Variants in PABPC4 observed in about 807,000 individuals in gnomAD.
PABPC4 encodes polyadenylate-binding protein 4.
In PABPC4, 15 loss-of-function variants were observed where a neutral mutation model predicts 74.5. The ratio of observed to expected loss-of-function variants is 0.20; its 90% CI spans 0.13 to 0.31. PABPC4 has a LOEUF of 0.31. Among genes scored for constraint, PABPC4 ranks in the 10% least tolerant of loss-of-function variants. The pLI is 1.00. For synonymous variants in PABPC4, 345 were observed against 303.0 expected, an observed-to-expected ratio of 1.14 and a Z score of -1.44; for missense variants, 610 against 853.5, an observed-to-expected ratio of 0.71 and a Z score of 3.55.
chr1:39,576,131 G>C lies in PABPC4; in HGVS notation c.-180C>G, dbSNP rs949907015. On this transcript the variant is annotated 5_prime_UTR_variant, in exon 1 of 16. Coordinates refer to ENST00000372858, the MANE Select transcript of PABPC4 (RefSeq NM_001135653.2). ...GGGACGGAAACGGGAGGCGGGGGCC[G>C]GCTCCCACGGCCGCAGCACCGCAGA... 1 of 515,142 alleles carries C rather than the reference G, an allele frequency of 1.9e-6. No individual in the cohort carries two copies. The highest frequency in any genetic ancestry group is 2.6e-5 in the South Asian group (1 of 38,244). 31.9% of individuals were successfully genotyped at this position (515,142 alleles called of 1,614,324 possible). A position where few individuals can be genotyped will look rare whatever the true frequency, so the allele number is the denominator to read the frequency against.
rs1646020281 is a variant in PABPC4 at position 39,575,980 on chromosome 1, G to A, written c.-29C>T. ...CCCGCCCCCCACCACCCCGAGCCCC[G>A]CCAGGAGGACTTCTTATCGGGCCCG... On this transcript the variant is annotated 5_prime_UTR_variant, in exon 1 of 16. Transcript: ENST00000372858. 2.3e-6 allele frequency: 3 copies of A among 1,293,682 alleles called. No individual in the cohort carries two copies. Among genetic ancestry groups the A allele is most frequent in the Middle Eastern group, 2.7e-4 (1 of 3,672 alleles). 80.1% of individuals were successfully genotyped at this position (1,293,682 alleles called of 1,614,324 possible).
chr1:39,571,057 G>A (rs889387107), intron 3 of PABPC4, 177 bp downstream of exon 3: 11 of 1,485,706 alleles, frequency 7.4e-6, no homozygotes, highest in Middle Eastern at 2.5e-4. Context: ...CCACCTTGGC[G>A]AGTCAAAAGG....
chr1:39,567,229 T>C (rs1645860806), intron 7 of PABPC4: 6 of 343,074 alleles, frequency 1.7e-5, no homozygotes, highest in South Asian at 2.3e-5. Flanking sequence ...TTAGTTGATA[T>C]GATTATCAAA....
In PABPC4 at chr1:39,575,845, G is replaced by A; in HGVS notation, c.107C>T (p.Pro36Leu). Residue 36 changes from proline to leucine, a missense_variant, in exon 1 of 16, where the codon CCT (proline) becomes CTT (leucine). Transcript: ENST00000372858. ...GCGGCAGACCCGGATGGACAGCACA[G>A]GCCCCGCGGGGCTGAACTTTTCGTA... Reference protein sequence around the residue: ...MLYEKFSPAGPVLSIRVCRDM... With the variant: ...MLYEKFSPAGLVLSIRVCRDM... 6.2e-7 allele frequency: 1 copy of A among 1,612,488 alleles called. No homozygotes were observed. The highest frequency in any genetic ancestry group is 8.5e-7 in the Non-Finnish European group (1 of 1,179,642).
At chr1:39,565,430 G>C (rs1296534751) in intron 7 of PABPC4, 52 bp from the exon 8 acceptor site, 5 of 1,552,804 alleles carry the variant, frequency 3.2e-6, no homozygotes, top group Non-Finnish European at 3.5e-6. Flanking sequence ...GGCTGGGTGT[G>C]ATGGCTTGTG....
chr1:39,563,824 A>T lies in PABPC4; in HGVS notation c.1540+12T>A, dbSNP rs531329882. ...TCCCATCTTTCCCCCTTCTGTGTGC[A>T]TCCAATACCACCTCCAGACTGGCAG... On this transcript the variant is annotated intron_variant, in intron 11 of 15. Coordinates refer to ENST00000372858, the MANE Select transcript of PABPC4 (RefSeq NM_001135653.2). 74 of 1,614,210 alleles carry T rather than the reference A, an allele frequency of 4.6e-5. No individual in the cohort carries two copies. The East Asian group carries it at 1.5e-3, about 34-fold the overall frequency.
At chr1:39,565,421 G>C in intron 7 of PABPC4, 43 bp from the exon 8 acceptor site, 1 of 1,571,590 alleles carries the variant, frequency 6.4e-7, no homozygotes, top group Admixed American at 1.7e-5. Context: ...GGTGTCCCTG[G>C]CTGGGTGTGA....
rs922694881 is a variant in PABPC4 at position 39,576,747 on chromosome 1, A to G, written c.-796T>C. 3 of 149,816 alleles carry G rather than the reference A, an allele frequency of 2.0e-5. No homozygotes were observed. Among genetic ancestry groups the G allele is most frequent in the Admixed American group, 6.6e-5 (1 of 15,082 alleles). 9.3% of individuals were successfully genotyped at this position (149,816 alleles called of 1,614,324 possible). A position where few individuals can be genotyped will look rare whatever the true frequency, so the allele number is the denominator to read the frequency against. ...TTCTCTTTTTTTCCTCAGGCTGCGAAGCCCGAAAGCGGCGGAGGCGGCAGC... is the reference window on the plus strand; with the variant it reads ...TTCTCTTTTTTTCCTCAGGCTGCGAGGCCCGAAAGCGGCGGAGGCGGCAGC... On this transcript the variant is annotated 5_prime_UTR_variant, in exon 1 of 16. Transcript: ENST00000372858.
intron 12 of PABPC4, 149 bp downstream of exon 12, chr1:39,563,465 C>A: frequency 9.7e-7 from 1 of 1,029,990 alleles, no homozygotes; most frequent in South Asian, 1.8e-5. Flanking sequence ...CTAGTGAGCC[C>A]CTGAAGGGCA....
rs776535554 is a variant in PABPC4, at chr1:39,571,363, G to A, written c.388-14C>T. The A allele has an allele frequency of 2.5e-6, 4 of 1,614,014 alleles. No homozygotes were observed. The Admixed American group carries it at 6.7e-5, about 27-fold the overall frequency. On this transcript the variant is annotated splice_polypyrimidine_tract_variant and intron_variant, in intron 2 of 15. Transcript: ENST00000372858. ...ATCACACACCACCTGTCAAAGACAA[G>A]GCGGACCACTTTAGCAGAACTGGCC...
chr1:39,563,913 C>A lies in PABPC4; in HGVS notation c.1463G>T (p.Cys488Phe), dbSNP rs1193124926. 1 of 1,614,168 alleles carries A rather than the reference C, an allele frequency of 6.2e-7. No individual in the cohort carries two copies. The highest frequency in any genetic ancestry group is 8.5e-7 in the Non-Finnish European group (1 of 1,180,028). Residue 488 changes from cysteine to phenylalanine, a missense_variant, in exon 11 of 16, where the codon TGC becomes TTC. Cys to Phe is a radical substitution (Grantham distance 205, BLOSUM62 -2). Around this residue, in one of 4 missense-constraint regions of PABPC4, gnomAD observed 277 missense variants for 301.8 expected, o/e 0.92. Transcript: ENST00000372858. The stretch of plus-strand genomic sequence containing the variant: ...AAAGTCCATAGCCAAGCGGTCCGGG[C>A]ACTCAGACCCTACAACAGACCAGCA... ...PTTTQRVGSE[C>F]PDRLAMDFGG...
Position 39,564,485 on chromosome 1 carries a change from T to G in PABPC4, c.1391A>C (p.His464Pro). ...CGGAGCATTACCAGTTGGAGCCAGA[T>G]GGCGAAGAGTTGGACGAGGCCCAGA... ...RQSGPRPTLR[H>P]LAPTGNAPAS... The change falls in exon 10 of 16, where the codon CAT becomes CCT. Residue 464 changes from histidine to proline, a missense_variant. His to Pro is a moderately conservative substitution (Grantham distance 77, BLOSUM62 -2). Transcript: ENST00000372858. 1 of 1,614,210 alleles carries G rather than the reference T, an allele frequency of 6.2e-7. No homozygotes were observed. Among genetic ancestry groups the G allele is most frequent in the South Asian group, 1.1e-5 (1 of 91,086 alleles).
rs1645773104 is a variant in PABPC4 at position 39,561,773 on chromosome 1, T to C, written c.1908A>G (p.Val636=). 6.2e-7 allele frequency: 1 copy of C among 1,613,914 alleles called. No individual in the cohort carries two copies. The highest frequency in any genetic ancestry group is 1.7e-5 in the Admixed American group (1 of 60,004). The part of the protein sequence containing the change: ...ESLRSKVDEA[V]AVLQAHHAKK... Reference sequence around the variant, plus strand: ...TGGCATGATGAGCCTGTAGAACTGCTACAGCTTCATCCACCTGCGAGAAAT... The same window carrying C: ...TGGCATGATGAGCCTGTAGAACTGCCACAGCTTCATCCACCTGCGAGAAAT... Residue 636 remains valine, a synonymous_variant, in exon 15 of 16, where the codon GTA becomes GTG. Transcript: ENST00000372858.
At chr1:39,572,814 G>C in intron 1 of PABPC4, 1 of 458,868 alleles carries the variant, frequency 2.2e-6, no homozygotes, top group Admixed American at 3.6e-5. Flanking sequence ...CACCCTTCTG[G>C]GTCTGTGCCC....
In PABPC4 at chr1:39,562,420, G is replaced by A. The variant is rs745357942; in HGVS notation, c.1669-4C>T. ...CATGGACCGCAGGCTGGGGTGCCTG[G>A]GAACCAGGAAAGGCAGTGGGTTAGC... On this transcript the variant is annotated splice_polypyrimidine_tract_variant and splice_region_variant and intron_variant, in intron 12 of 15. Transcript: ENST00000372858. 9 of 1,612,004 alleles carry A rather than the reference G, an allele frequency of 5.6e-6. 1 individual carries two copies. In the South Asian group the frequency reaches 7.7e-5, roughly 14 times the overall value.
chr1:39,561,217 T>C (rs1570367075), intron 15 of PABPC4, 95 bp from the exon 16 acceptor site: 1 of 451,072 alleles, frequency 2.2e-6, no homozygotes, highest in East Asian at 7.0e-5. Flanking sequence ...TAGAAGAGAG[T>C]TTCTCAACCT....
At chr1:39,575,197 G>C (rs1253080081) in intron 1 of PABPC4, among the ~76,000 whole-genome samples, 2 of 152,176 alleles carry the variant, frequency 1.3e-5, no homozygotes, top group Non-Finnish European at 2.9e-5. Context: ...CCTGGCACAC[G>C]CAGCTTTTGT....
intron 10 of PABPC4, 82 bp from the exon 11 acceptor site, chr1:39,564,004 G>T: frequency 3.2e-6 from 4 of 1,267,720 alleles, no homozygotes; most frequent in Non-Finnish European, 4.6e-6. Context: ...AAATTTCAAA[G>T]CACGTTTACG....
At chr1:39,563,577 G>A in intron 12 of PABPC4, 37 bp downstream of exon 12, 1 of 1,595,570 alleles carries the variant, frequency 6.3e-7, no homozygotes. Flanking sequence ...TGGAAATGGG[G>A]GAAATCCTTT....
Sources: gnomAD v4.1 joint callset for allele counts (sites outside exome capture counted in the v4.1 genomes callset) on GRCh38, gnomAD v4.1.1 for gene constraint, gnomAD v4.1.1 regional missense constraint, MANE v1.5 for transcripts, NCBI Gene and HGNC (gene_info 2026-07-23, HGNC 2026-07-21) for gene names.